Variants in PHACTR1 observed in about 807,000 individuals in gnomAD.
The protein encoded by PHACTR1 is phosphatase and actin regulator 1.
In PHACTR1, 16 loss-of-function variants were observed where a neutral mutation model predicts 69.2. The observed-to-expected ratio is 0.23, with a 90% confidence interval of 0.16 to 0.35. The LOEUF is 0.35. Ranked by LOEUF, PHACTR1 falls within the 10% of genes least tolerant of loss-of-function variation. The pLI, the probability that PHACTR1 is intolerant of heterozygous loss-of-function variation, is 1.00. For synonymous variants in PHACTR1, 312 were observed against 284.5 expected (o/e 1.10, Z -0.97); for missense variants, 510 against 734.7 (o/e 0.69, Z 3.54).
At chr6:12,947,627 G>A (rs1272634689) in intron 4 of PHACTR1, among the ~76,000 whole-genome samples, 1 of 152,184 alleles carries the variant, frequency 6.6e-6, no homozygotes, top group East Asian at 1.9e-4. Flanking sequence ...GACTCTAGTG[G>A]CTATAAATTA....
intron 4 of PHACTR1, among the ~76,000 whole-genome samples, chr6:12,849,630 A>T (rs1252596171): frequency 1.3e-5 from 2 of 152,164 alleles, no homozygotes; most frequent in Admixed American, 6.5e-5. Context: ...TTATGATTTC[A>T]TTGCTTTGCA....
At chr6:12,735,476 A>G (rs1054125124) in intron 3 of PHACTR1, among the ~76,000 whole-genome samples, 2 of 152,354 alleles carry the variant, frequency 1.3e-5, no homozygotes, top group African/African-American at 2.4e-5. Context: ...TTACAGGGGC[A>G]GGACAATTTC....
rs563017073 is a variant in PHACTR1 at position 12,884,441 on chromosome 6, C to T, written c.250+134651C>T. ...TTTTAGACGGAGTCTCACTCTGTTG[C>T]CCAGGTTGGAGTGCAGCGGTGCAAT... On this transcript the variant is annotated intron_variant, in intron 4 of 14. Transcript: ENST00000332995. Among the ~76,000 whole-genome samples, 5 of 151,486 alleles carry T rather than the reference C, an allele frequency of 3.3e-5. No homozygotes were observed. The East Asian group carries it at 9.7e-4, about 29-fold the overall frequency.
chr6:12,743,546 T>C (rs1765350030), intron 3 of PHACTR1, among the ~76,000 whole-genome samples: 1 of 152,160 alleles, frequency 6.6e-6, no homozygotes, highest in South Asian at 2.1e-4. Context: ...CTAGATAACC[T>C]GGGGCTGCTG....
At chr6:12,945,925 C>T (rs1002742239) in intron 4 of PHACTR1, among the ~76,000 whole-genome samples, 1 of 151,082 alleles carries the variant, frequency 6.6e-6, no homozygotes, top group Non-Finnish European at 1.5e-5. Flanking sequence ...ATCGTGCCAC[C>T]GCACTCCAGC....
chr6:12,759,835 G>A (rs925485054), intron 4 of PHACTR1, among the ~76,000 whole-genome samples: 3 of 152,146 alleles, frequency 2.0e-5, no homozygotes, highest in Non-Finnish European at 2.9e-5. Context: ...ATTCTTTTCT[G>A]AGGTAGCACA....
chr6:13,143,191 T>C (rs1822772212), intron 5 of PHACTR1, among the ~76,000 whole-genome samples: 3 of 152,094 alleles, frequency 2.0e-5, no homozygotes, highest in Admixed American at 6.6e-5. Context: ...AAAAAAATAG[T>C]TGAAAATGAA....
In PHACTR1 at chr6:13,047,682, G is replaced by A. The variant is rs181668126; in HGVS notation, c.251-5683G>A. On this transcript the variant is annotated intron_variant, in intron 4 of 14. Transcript: ENST00000332995. ...TCTCCACTGGGGTCCCAAATGGGCT[G>A]CCCTCCTGCCTCTGGTGCTGACTCT... Among the ~76,000 whole-genome samples the A allele has an allele frequency of 2.0e-3, 311 of 152,166 alleles. 2 individuals carry two copies. The highest frequency in any genetic ancestry group is 7.3e-3 in the African/African-American group (305 of 41,504).
intron 6 of PHACTR1, among the ~76,000 whole-genome samples, chr6:13,165,922 C>T (rs2113594449): frequency 6.6e-6 from 1 of 152,346 alleles, no homozygotes; most frequent in African/African-American, 2.4e-5. Context: ...TCACTGCCTG[C>T]TCAAAGCCTG....
intron 4 of PHACTR1, among the ~76,000 whole-genome samples, chr6:12,772,046 G>A (rs114523417): frequency 1.3e-5 from 2 of 152,312 alleles, no homozygotes; most frequent in Admixed American, 6.5e-5. Context: ...CAAGAGAGGC[G>A]AGAAAGTAGA....
At chr6:13,265,297 C>T (rs1301092170) in intron 10 of PHACTR1, among the ~76,000 whole-genome samples, 1 of 152,148 alleles carries the variant, frequency 6.6e-6, no homozygotes, top group African/African-American at 2.4e-5. Context: ...CTTACAGCAG[C>T]TCTCAGAACT....
chr6:12,962,625 T>C (rs539381064), intron 4 of PHACTR1, among the ~76,000 whole-genome samples: 1 of 152,302 alleles, frequency 6.6e-6, no homozygotes, highest in South Asian at 2.1e-4. Flanking sequence ...GGGAGGACCT[T>C]GTTTTATTGA....
At chr6:12,721,121 C>T (rs185029851) in intron 3 of PHACTR1, among the ~76,000 whole-genome samples, 2 of 152,332 alleles carry the variant, frequency 1.3e-5, no homozygotes, top group African/African-American at 2.4e-5. Flanking sequence ...CACAGTGGCT[C>T]ACGCCTGTAA....
At chr6:13,200,974 A>G (rs1765157840) in intron 7 of PHACTR1, among the ~76,000 whole-genome samples, 1 of 152,062 alleles carries the variant, frequency 6.6e-6, no homozygotes, top group South Asian at 2.1e-4. Context: ...AAATTAAAAA[A>G]AGAAAGAAAT....
chr6:12,970,159 G>A (rs1002102284), intron 4 of PHACTR1, among the ~76,000 whole-genome samples: 5 of 152,152 alleles, frequency 3.3e-5, no homozygotes, highest in Admixed American at 6.5e-5. Flanking sequence ...GCTGTCTGTG[G>A]TTGGGGTAAT....
At chr6:13,197,796 C>T (rs1764641887) in intron 7 of PHACTR1, among the ~76,000 whole-genome samples, 1 of 152,192 alleles carries the variant, frequency 6.6e-6, no homozygotes, top group African/African-American at 2.4e-5. Context: ...TCCCAGCCCT[C>T]CCAGAGCAGT....
chr6:12,821,834 C>G (rs1776258829), intron 4 of PHACTR1, among the ~76,000 whole-genome samples: 1 of 152,156 alleles, frequency 6.6e-6, no homozygotes, highest in African/African-American at 2.4e-5. Context: ...AATAAGTTGT[C>G]AAAGGTCACA....
intron 5 of PHACTR1, among the ~76,000 whole-genome samples, chr6:13,057,921 C>T (rs1807052552): frequency 6.6e-6 from 1 of 152,156 alleles, no homozygotes; most frequent in South Asian, 2.1e-4. Context: ...ACTATTGAGA[C>T]ACGGAGTAGC....
intron 4 of PHACTR1, among the ~76,000 whole-genome samples, chr6:13,011,355 A>G (rs1360568247): frequency 6.6e-6 from 1 of 152,242 alleles, no homozygotes; most frequent in Non-Finnish European, 1.5e-5. Context: ...TATATTGCAT[A>G]GCACCATTAG....
Sources: allele counts gnomAD v4.1 joint callset (sites outside exome capture counted in the v4.1 genomes callset), GRCh38; gene constraint gnomAD v4.1.1; transcripts MANE v1.5; gene names NCBI Gene and HGNC (gene_info 2026-07-23, HGNC 2026-07-21).